Variants in DRC1 observed in about 807,000 individuals in gnomAD.
DRC1 encodes the protein dynein regulatory complex protein 1.
DRC1 carries 74 observed loss-of-function variants against 98.7 expected under a neutral mutation model. The ratio of observed to expected loss-of-function variants is 0.75; its 90% CI spans 0.62 to 0.91. The LOEUF is 0.91. Among genes scored for constraint, DRC1 ranks in the 40% least tolerant of loss-of-function variants. The probability of loss-of-function intolerance (pLI) is 0.00; values close to 1 mark genes in which losing one functional copy is unlikely to be tolerated. For synonymous variants in DRC1, 336 were observed against 334.1 expected (o/e 1.01, Z -0.06); for missense variants, 875 against 886.0 (o/e 0.99, Z 0.16).
chr2:26,434,231 G>A (rs937883215), intron 7 of DRC1, among the ~76,000 whole-genome samples: 3 of 152,078 alleles, frequency 2.0e-5, no homozygotes, highest in Non-Finnish European at 4.4e-5. Context: ...AAAAAAAAAT[G>A]TCTTACTATT....
At position 26,444,849 on chromosome 2, in the gene DRC1, G is replaced by A. The variant is rs765634112; in HGVS notation, c.1297G>A (p.Ala433Thr). Residue 433 changes from alanine (A) to threonine (T), a missense_variant, in exon 10 of 17, where the codon GCA becomes ACA. Transcript: ENST00000288710. The stretch of plus-strand genomic sequence containing the variant: ...CACCCATCATCTGGGGCTTCCCTGG[G>A]CAGCACCTGATTTCTGGTTCCTGAA... Reference protein sequence around the residue: ...IHTHHLGLPWAAPDFWFLNNV... With the variant: ...IHTHHLGLPWTAPDFWFLNNV... The A allele has an allele frequency of 6.2e-7, 1 of 1,614,198 alleles. No individual in the cohort carries two copies. The highest frequency in any genetic ancestry group is 8.5e-7 in the Non-Finnish European group (1 of 1,180,036).
At chr2:26,406,961 G>T (rs531945352) in intron 1 of DRC1, among the ~76,000 whole-genome samples, 1 of 151,680 alleles carries the variant, frequency 6.6e-6, no homozygotes, top group African/African-American at 2.4e-5. Context: ...TGGGACCACA[G>T]GTGCACACCA....
chr2:26,442,104 C>G (rs1439824234), intron 8 of DRC1, among the ~76,000 whole-genome samples: 1 of 152,178 alleles, frequency 6.6e-6, no homozygotes, highest in South Asian at 2.1e-4. Flanking sequence ...GATGCTGTGT[C>G]CTCACACAGT....
At chr2:26,445,500 A>T (rs947837185) in intron 10 of DRC1, among the ~76,000 whole-genome samples, 8 of 152,178 alleles carry the variant, frequency 5.3e-5, no homozygotes, top group African/African-American at 1.9e-4. Flanking sequence ...ATGAGTTTTT[A>T]AAAAATATTA....
intron 1 of DRC1, among the ~76,000 whole-genome samples, chr2:26,408,640 G>T (rs938672871): frequency 6.6e-6 from 1 of 152,068 alleles, no homozygotes; most frequent in Non-Finnish European, 1.5e-5. Flanking sequence ...GCGTGGTGGT[G>T]CATGCCTGTA....
chr2:26,437,399 G>A (rs1337072976), intron 7 of DRC1, among the ~76,000 whole-genome samples: 2 of 152,228 alleles, frequency 1.3e-5, no homozygotes, highest in South Asian at 2.1e-4. Context: ...AGTTGTAGTT[G>A]AAGCTTCTGG....
At chr2:26,431,652 A>T (rs1663439244) in intron 6 of DRC1, among the ~76,000 whole-genome samples, 1 of 151,916 alleles carries the variant, frequency 6.6e-6, no homozygotes, top group African/African-American at 2.4e-5. Flanking sequence ...AGATGAGCTT[A>T]ATTTCATAAT....
chr2:26,454,540 G>T lies in DRC1; in HGVS notation c.1920-107G>T. On this transcript the variant is annotated intron_variant, in intron 14 of 16. Transcript: ENST00000288710. This position sits in a 1 kb window ranked among gnomAD's most constrained non-coding sequence, Gnocchi z 5.2. Reference sequence around the variant, plus strand: ...CACCGTCTAATAAACTTGGACTGCTGAGTGGGAAGGTGACAGGTGGGAAAG... The same window carrying T: ...CACCGTCTAATAAACTTGGACTGCTTAGTGGGAAGGTGACAGGTGGGAAAG... 6.7e-7 allele frequency: 1 copy of T among 1,493,022 alleles called. No individual in the cohort carries two copies. Among genetic ancestry groups the T allele is most frequent in the Non-Finnish European group, 9.1e-7 (1 of 1,100,074 alleles). The allele number at this position is 1,493,022 out of a possible 1,614,324, so 92.5% of individuals were successfully genotyped here.
At chr2:26,423,937 GT>G (rs533128056) in intron 3 of DRC1, among the ~76,000 whole-genome samples, 53 of 152,338 alleles carry the variant, frequency 3.5e-4, no homozygotes, top group Admixed American at 2.4e-3. Context: ...GAGACCCAGT[GT>G]TTAACTGTTG....
At chr2:26,432,599 G>GA (rs887680684) in intron 7 of DRC1, among the ~76,000 whole-genome samples, 4 of 26,992 alleles carry the variant, frequency 1.5e-4, no homozygotes, top group African/African-American at 4.7e-4. Context: ...AGGAAAGAAA[G>GA]AAAAAAAAAG....
chr2:26,443,523 C>T (rs1299038954), intron 8 of DRC1, among the ~76,000 whole-genome samples: 1 of 152,196 alleles, frequency 6.6e-6, no homozygotes, highest in Non-Finnish European at 1.5e-5. Flanking sequence ...TCCCCTGGCA[C>T]CCTGCATAAA....
At chr2:26,455,005 G>A (rs989544130) in intron 15 of DRC1, 126 bp from the exon 16 acceptor site, 1 of 1,368,194 alleles carries the variant, frequency 7.3e-7, no homozygotes, top group African/African-American at 1.4e-5. Context: ...CTGGCGGCTG[G>A]GTGAAGAGTG....
At chr2:26,418,803 A>T (rs1572359131) in intron 2 of DRC1, among the ~76,000 whole-genome samples, 1 of 133,094 alleles carries the variant, frequency 7.5e-6, no homozygotes, top group East Asian at 2.1e-4. Context: ...TATATACATT[A>T]TAATATATTG....
chr2:26,411,159 A>G (rs149666799), intron 1 of DRC1, among the ~76,000 whole-genome samples: 85 of 152,372 alleles, frequency 5.6e-4, no homozygotes, highest in Middle Eastern at 3.4e-3. Context: ...AAATCTGAAT[A>G]GACAGAAGTC....
chr2:26,428,739 A>C (rs7598896), intron 4 of DRC1, among the ~76,000 whole-genome samples: 123,146 of 151,718 alleles, frequency 0.81, 51,589 homozygotes, highest in Non-Finnish European at 0.92. Context: ...TGGAGCTTGC[A>C]GTGGGCCGAG....
At chr2:26,426,417 A>T (rs1199857787) in intron 4 of DRC1, among the ~76,000 whole-genome samples, 2 of 147,580 alleles carry the variant, frequency 1.4e-5, no homozygotes, top group African/African-American at 5.1e-5. Flanking sequence ...CCCAGGCTGG[A>T]GTGCAGTGGT....
intron 7 of DRC1, among the ~76,000 whole-genome samples, chr2:26,437,093 C>T (rs539827121): frequency 1.3e-5 from 2 of 152,304 alleles, no homozygotes; most frequent in African/African-American, 2.4e-5. Flanking sequence ...GACCCACTCA[C>T]GATGACCAAG....
chr2:26,418,742 A>C (rs1480100881), intron 2 of DRC1, among the ~76,000 whole-genome samples: 1 of 104,030 alleles, frequency 9.6e-6, no homozygotes, highest in Admixed American at 1.2e-4. Context: ...TAATTTATAT[A>C]TAATATAAAT....
intron 5 of DRC1, chr2:26,430,344 T>TC: frequency 2.8e-6 from 1 of 355,230 alleles, no homozygotes; most frequent in Non-Finnish European, 5.6e-6. Context: ...CCTCTCTCTC[T>TC]CTCGGTTGTT....
Sources: allele counts gnomAD v4.1 joint callset (sites outside exome capture counted in the v4.1 genomes callset), GRCh38; gene constraint gnomAD v4.1.1; non-coding constraint Gnocchi (gnomAD v3.1); transcripts MANE v1.5; gene names NCBI Gene and HGNC (gene_info 2026-07-23, HGNC 2026-07-21).